Variants in PLCB4 observed in about 807,000 individuals in gnomAD.
The protein encoded by PLCB4 is phospholipase C beta 4.
In PLCB4, 77 loss-of-function variants were observed where a neutral mutation model predicts 178.8. That is an observed-to-expected ratio of 0.43 (90% confidence interval 0.36 to 0.52). The LOEUF (loss-of-function observed/expected upper bound fraction) is 0.52. Among genes scored for constraint, PLCB4 ranks in the 20% least tolerant of loss-of-function variants. The pLI, the probability that PLCB4 is intolerant of heterozygous loss-of-function variation, is 0.00. For missense variants in PLCB4, 1,024 were observed against 1,453.4 expected (o/e 0.70, Z 4.80); for synonymous variants, 496 against 490.8 (o/e 1.01, Z -0.14).
chr20:9,305,560 A>G (rs1270178155), intron 3 of PLCB4, among the ~76,000 whole-genome samples: 1 of 152,142 alleles, frequency 6.6e-6, no homozygotes, highest in Non-Finnish European at 1.5e-5. Flanking sequence ...GCATAGTACA[A>G]TAAAACTTAA....
intron 2 of PLCB4, among the ~76,000 whole-genome samples, chr20:9,131,434 C>T (rs1206148626): frequency 6.6e-6 from 1 of 152,096 alleles, no homozygotes; most frequent in Non-Finnish European, 1.5e-5. Flanking sequence ...ATCTCTGTGA[C>T]TGGTAATAAC....
chr20:9,326,198 G>A (rs911450062), intron 4 of PLCB4, among the ~76,000 whole-genome samples: 5 of 152,106 alleles, frequency 3.3e-5, no homozygotes, highest in Non-Finnish European at 5.9e-5. Flanking sequence ...GCACCATCAG[G>A]CCAAATTTTA....
At chr20:9,201,666 T>A (rs1016989418) in intron 2 of PLCB4, among the ~76,000 whole-genome samples, 7 of 152,202 alleles carry the variant, frequency 4.6e-5, no homozygotes, top group South Asian at 2.1e-4. Context: ...GTCATCATTT[T>A]AAAAATCACA....
In PLCB4 at chr20:9,399,117, T is replaced by C. The variant is rs535337523; in HGVS notation, c.1511-2373T>C. On this transcript the variant is annotated intron_variant, in intron 19 of 39. Coordinates refer to ENST00000378473, the MANE Select transcript of PLCB4 (RefSeq NM_001377142.1). ...CTTCATGTATTATTCTTAAAGGTGCTTTCCCACCATCTACATCCATATGGT... is the reference window on the plus strand; with the variant it reads ...CTTCATGTATTATTCTTAAAGGTGCCTTCCCACCATCTACATCCATATGGT... Among the ~76,000 whole-genome samples, 22 of 152,344 alleles carry C rather than the reference T, an allele frequency of 1.4e-4. 1 individual carries two copies. The South Asian group carries it at 3.3e-3, about 23-fold the overall frequency.
intron 2 of PLCB4, among the ~76,000 whole-genome samples, chr20:9,198,862 G>A (rs1207806786): frequency 6.6e-6 from 1 of 152,160 alleles, no homozygotes; most frequent in Non-Finnish European, 1.5e-5. Context: ...ATATCACTGT[G>A]TTCCCAAATT....
chr20:9,184,641 G>C (rs1420600315), intron 2 of PLCB4, among the ~76,000 whole-genome samples: 2 of 149,858 alleles, frequency 1.3e-5, no homozygotes, highest in Non-Finnish European at 3.0e-5. Context: ...TTTATGATTA[G>C]GAGGCAATTT....
intron 2 of PLCB4, among the ~76,000 whole-genome samples, chr20:9,180,548 C>G (rs2093228875): frequency 6.6e-6 from 1 of 152,162 alleles, no homozygotes; most frequent in African/African-American, 2.4e-5. Context: ...GCTGGTGTTA[C>G]AACCCTCAAT....
chr20:9,267,951 A>C (rs866121605), intron 3 of PLCB4, among the ~76,000 whole-genome samples: 1 of 152,136 alleles, frequency 6.6e-6, no homozygotes, highest in South Asian at 2.1e-4. Context: ...AAGGAGGCTG[A>C]GTGTGCTAAC....
chr20:9,319,637 A>G (rs577428870), intron 4 of PLCB4, among the ~76,000 whole-genome samples: 2 of 152,154 alleles, frequency 1.3e-5, no homozygotes, highest in East Asian at 3.8e-4. Flanking sequence ...AACCAGGGGC[A>G]TCAGTATCCA....
intron 2 of PLCB4, among the ~76,000 whole-genome samples, chr20:9,184,746 A>T (rs2147107476): frequency 6.6e-6 from 1 of 152,232 alleles, no homozygotes; most frequent in South Asian, 2.1e-4. Flanking sequence ...TGTTGTATAC[A>T]TATAACACAC....
chr20:9,119,270 G>A (rs2091883587), intron 2 of PLCB4, among the ~76,000 whole-genome samples: 1 of 152,140 alleles, frequency 6.6e-6, no homozygotes, highest in African/African-American at 2.4e-5. Context: ...GCTGTATTGA[G>A]ATTCTAAATG....
intron 4 of PLCB4, among the ~76,000 whole-genome samples, chr20:9,329,578 A>T (rs2031319576): frequency 1.3e-5 from 2 of 152,176 alleles, no homozygotes; most frequent in Non-Finnish European, 2.9e-5. Flanking sequence ...GCTGAGCATC[A>T]GTTACTGGTG....
intron 2 of PLCB4, among the ~76,000 whole-genome samples, chr20:9,161,747 G>T (rs1406989119): frequency 6.6e-6 from 1 of 152,074 alleles, no homozygotes; most frequent in Non-Finnish European, 1.5e-5. Context: ...AACTTATGAA[G>T]CATTTTTATT....
At chr20:9,463,614 A>C (rs1603016902) in intron 35 of PLCB4, among the ~76,000 whole-genome samples, 1 of 149,636 alleles carries the variant, frequency 6.7e-6, no homozygotes, top group Non-Finnish European at 1.5e-5. Flanking sequence ...AAAAAAAAAA[A>C]GCAGGGGTTG....
At chr20:9,368,858 T>C (rs2036001060) in intron 9 of PLCB4, among the ~76,000 whole-genome samples, 1 of 152,156 alleles carries the variant, frequency 6.6e-6, no homozygotes, top group African/African-American at 2.4e-5. Context: ...AGCATTTCTT[T>C]TGGGGAATGG....
At chr20:9,227,250 G>C (rs1243168958) in intron 3 of PLCB4, among the ~76,000 whole-genome samples, 1 of 151,258 alleles carries the variant, frequency 6.6e-6, no homozygotes, top group Non-Finnish European at 1.5e-5. Context: ...CTCCCATTCT[G>C]TAGACTGTCT....
At chr20:9,180,035 A>T (rs1316443072) in intron 2 of PLCB4, among the ~76,000 whole-genome samples, 1 of 152,230 alleles carries the variant, frequency 6.6e-6, no homozygotes, top group Non-Finnish European at 1.5e-5. Context: ...TGTGCTTCAG[A>T]TGCCTTGTTT....
chr20:9,105,331 T>C (rs965403646), intron 2 of PLCB4, among the ~76,000 whole-genome samples: 6 of 152,116 alleles, frequency 3.9e-5, no homozygotes, highest in African/African-American at 1.4e-4. Context: ...TTGTAGGACA[T>C]AAAATGAGTT....
intron 21 of PLCB4, 76 bp from the exon 22 acceptor site, chr20:9,407,841 T>C: frequency 7.9e-7 from 1 of 1,268,670 alleles, no homozygotes; most frequent in East Asian, 2.4e-5. Context: ...TTATCTTTAT[T>C]AAGGAAATCT....
Sources: allele counts gnomAD v4.1 joint callset (sites outside exome capture counted in the v4.1 genomes callset), GRCh38; gene constraint gnomAD v4.1.1; transcripts MANE v1.5; gene names NCBI Gene and HGNC (gene_info 2026-07-23, HGNC 2026-07-21).